KIF3A: variants seen among roughly 807,000 people sequenced by gnomAD.
KIF3A encodes the protein kinesin-like protein KIF3A.
A neutral mutation model predicts 92.6 loss-of-function variants in KIF3A; 27 were observed. That is an observed-to-expected ratio of 0.29 (90% CI 0.21 to 0.40). The LOEUF is 0.40. KIF3A is among the 10% of genes least tolerant of loss of function. KIF3A has a pLI of 1.00. For synonymous variants in KIF3A, 250 were observed against 275.4 expected (o/e 0.91, Z 0.92); for missense variants, 581 against 872.6 (o/e 0.67, Z 4.21).
rs1482283397 is a variant in KIF3A, at chr5:132,734,312, G to A, written c.173C>T (p.Pro58Leu). ...AACAGTATCAAAAGTAAATGTCTTT[G>A]GAGGTTCATTGGAAGAATCAGTCTT... is the stretch of plus-strand genomic sequence containing the variant. ...VHKTDSSNEP[P>L]KTFTFDTVFG... The change falls in exon 2 of 19, where the codon CCA becomes CTA. Residue 58 changes from proline (P) to leucine (L), a missense_variant. Transcript: ENST00000403231. 2 of 1,613,938 alleles carry A rather than the reference G, an allele frequency of 1.2e-6. No homozygotes were observed. The highest frequency in any genetic ancestry group is 1.7e-6 in the Non-Finnish European group (2 of 1,179,966).
chr5:132,721,638 T>C (rs779402903), intron 4 of KIF3A: 1 of 152,018 alleles, frequency 6.6e-6, no homozygotes, highest in South Asian at 2.1e-4. Flanking sequence ...TTTATAACAA[T>C]TGATAAGATA....
At chr5:132,719,934 GCTTTT>G (rs1276253964) in intron 5 of KIF3A, among the ~76,000 whole-genome samples, 2 of 152,062 alleles carry the variant, frequency 1.3e-5, no homozygotes, top group African/African-American at 4.8e-5. Flanking sequence ...ATTTTGTTTT[GCTTTT>G]CTTGTCAACA....
chr5:132,692,289 G>T (rs1307700571), downstream of KIF3A, among the ~76,000 whole-genome samples: 2 of 152,118 alleles, frequency 1.3e-5, no homozygotes, highest in Non-Finnish European at 2.9e-5. Context: ...ATGAGAGAAG[G>T]GAGAAGAGCA....
chr5:132,696,719 T>C lies in KIF3A; in HGVS notation c.2133-37A>G, dbSNP rs13355720. The C allele has an allele frequency of 0.011, 16,210 of 1,520,732 alleles. 1,251 individuals are homozygous for C. The African/African-American group carries it at 0.18, about 17-fold the overall frequency. 94.2% of individuals were successfully genotyped at this position (1,520,732 alleles called of 1,614,324 possible). ...AGAAAAAAAGCAATCATGAATGCTT[T>C]CCTAAAAGACTGAAATGCAAACATT... is the stretch of plus-strand genomic sequence containing the variant. On this transcript the variant is annotated intron_variant, in intron 18 of 18. Transcript: ENST00000403231.
downstream of KIF3A, among the ~76,000 whole-genome samples, chr5:132,690,346 G>A (rs141875822): frequency 1.4e-4 from 22 of 152,182 alleles, no homozygotes; most frequent in East Asian, 4.3e-3. Context: ...AGCTATGAAC[G>A]CACCACTGCA....
rs1248895826 is a variant in KIF3A at position 132,703,466 on chromosome 5, G to A, written c.1463C>T (p.Ala488Val). 1 of 1,605,904 alleles carries A rather than the reference G, an allele frequency of 6.2e-7. No homozygotes were observed. The highest frequency in any genetic ancestry group is 8.5e-7 in the Non-Finnish European group (1 of 1,175,010). The stretch of plus-strand genomic sequence containing the variant: ...ATCTCAATTCAATAATACTCACTGG[G>A]CTTTAAGAAGATCTTTTTCCCGTTT... The part of the protein sequence containing the change: ...LEKREKDLLK[A>V]QQEHQSLLEK... The change falls in exon 12 of 19, where the codon GCC (alanine) becomes GTC (valine). Residue 488 changes from alanine to valine, a missense_variant. Physicochemically the swap from Ala to Val is moderately conservative, Grantham distance 64 (BLOSUM62 0). Coordinates refer to ENST00000403231, the MANE Select transcript of KIF3A (RefSeq NM_001300791.2).
At chr5:132,713,424 T>C (rs1080001) in intron 8 of KIF3A, among the ~76,000 whole-genome samples, 40,373 of 152,060 alleles carry the variant, frequency 0.27, 7,002 homozygotes, top group East Asian at 0.75. Context: ...CTCCATATCA[T>C]GTTTGCAAGT....
intron 4 of KIF3A, among the ~76,000 whole-genome samples, chr5:132,724,594 G>A (rs1438133788): frequency 6.6e-6 from 1 of 151,420 alleles, no homozygotes; most frequent in East Asian, 2.0e-4. Context: ...ACTGAACAAT[G>A]AGAACACTTG....
intron 1 of KIF3A, chr5:132,736,864 A>G (rs1754404942): frequency 7.4e-6 from 3 of 402,904 alleles, no homozygotes; most frequent in South Asian, 5.6e-5. Flanking sequence ...AAATCCTGGA[A>G]GATAAACATA....
At chr5:132,736,178 G>A in intron 1 of KIF3A, among the ~76,000 whole-genome samples, 1 of 152,208 alleles carries the variant, frequency 6.6e-6, no homozygotes, top group East Asian at 1.9e-4. Context: ...GTCTACACCA[G>A]AGGTTGCAAA....
In KIF3A at chr5:132,717,659, A is replaced by G. The variant is rs533903763; in HGVS notation, c.617-675T>C. ...TGTAAAAAAAAAAAATCCATTCAAA[A>G]TATGCAAAGTATTTGCATATGTGTA... On this transcript the variant is annotated intron_variant, in intron 5 of 18. Transcript: ENST00000403231. Among the ~76,000 whole-genome samples, 5 of 152,314 alleles carry G rather than the reference A, an allele frequency of 3.3e-5. No homozygotes were observed. In the South Asian group the frequency reaches 1.0e-3, roughly 32 times the overall value.
At chr5:132,730,616 T>C (rs1198789156) in intron 2 of KIF3A, among the ~76,000 whole-genome samples, 1 of 151,726 alleles carries the variant, frequency 6.6e-6, no homozygotes, top group Non-Finnish European at 1.5e-5. Context: ...GTGAGACCCT[T>C]ATCTCTACCA....
At chr5:132,734,592 A>C (rs1457549436) in intron 1 of KIF3A, 114 bp from the exon 2 acceptor site, 7 of 803,790 alleles carry the variant, frequency 8.7e-6, no homozygotes, top group Non-Finnish European at 1.1e-5. Context: ...TGCACACATT[A>C]AACACTTCAC....
In KIF3A at chr5:132,693,179, A is replaced by C. The variant is rs1752719658; in HGVS notation, c.*3455T>G. On this transcript the variant is annotated 3_prime_UTR_variant, in exon 19 of 19. Transcript: ENST00000403231. ...AAATTTTTGCTGTAAAAAGAAAAAA[A>C]AAACAACTCCCTTTCTCCAGAAAGG... The C allele has an allele frequency of 6.6e-6, 1 of 152,084 alleles. No homozygotes were observed. Among genetic ancestry groups the C allele is most frequent in the Non-Finnish European group, 1.5e-5 (1 of 67,984 alleles). 9.4% of individuals were successfully genotyped at this position (152,084 alleles called of 1,614,324 possible). A position where few individuals can be genotyped will look rare whatever the true frequency, so the allele number is the denominator to read the frequency against.
chr5:132,691,761 G>C (rs1581052748), downstream of KIF3A, among the ~76,000 whole-genome samples: 1 of 151,430 alleles, frequency 6.6e-6, no homozygotes, highest in African/African-American at 2.4e-5. Flanking sequence ...AATTAGCCAG[G>C]CATGGTGGTG....
At chr5:132,734,810 G>C (rs568548865) in intron 1 of KIF3A, among the ~76,000 whole-genome samples, 12 of 152,202 alleles carry the variant, frequency 7.9e-5, no homozygotes, top group Non-Finnish European at 1.8e-4. Context: ...TTTCCTGCCT[G>C]TAGGAAAACA....
intron 2 of KIF3A, among the ~76,000 whole-genome samples, chr5:132,733,335 A>G (rs1020330528): frequency 2.0e-5 from 3 of 152,260 alleles, no homozygotes; most frequent in Non-Finnish European, 4.4e-5. Flanking sequence ...TTAGTAACAC[A>G]CAATCCAAAA....
chr5:132,704,031 T>C (rs2149896346), intron 11 of KIF3A, among the ~76,000 whole-genome samples: 1 of 152,026 alleles, frequency 6.6e-6, no homozygotes, highest in East Asian at 1.9e-4. Flanking sequence ...AAGCGACTCC[T>C]TAAAATATCT....
chr5:132,714,172 C>T (rs1033617877), intron 8 of KIF3A, among the ~76,000 whole-genome samples: 3 of 152,156 alleles, frequency 2.0e-5, no homozygotes, highest in African/African-American at 7.2e-5. Flanking sequence ...GCTGGGATTA[C>T]AAGCGTGAGC....
Sources: gnomAD v4.1 joint callset for allele counts (sites outside exome capture counted in the v4.1 genomes callset) on GRCh38, gnomAD v4.1.1 for gene constraint, MANE v1.5 for transcripts, NCBI Gene and HGNC (gene_info 2026-07-23, HGNC 2026-07-21) for gene names.